The following ABTB3 variants were observed in gnomAD, a reference collection of about 807,000 sequenced individuals.
The protein encoded by ABTB3 is ankyrin repeat- and BTB/POZ domain-containing protein 3.
the ABTB3 span, among the ~76,000 whole-genome samples, chr12:107,381,089 A>ACC: frequency 6.6e-6 from 1 of 151,604 alleles, no homozygotes; most frequent in Non-Finnish European, 1.5e-5. Context: ...TACACTACCC[A>ACC]CCCCCCATCA....
chr12:107,643,195 C>T, the ABTB3 span, among the ~76,000 whole-genome samples: 1 of 152,028 alleles, frequency 6.6e-6, no homozygotes, highest in South Asian at 2.1e-4. Flanking sequence ...CACTTAAGCC[C>T]AGGAGTTCTA....
At chr12:107,645,649 G>A in the ABTB3 span, among the ~76,000 whole-genome samples, 2 of 152,192 alleles carry the variant, frequency 1.3e-5, no homozygotes, top group Admixed American at 6.5e-5. Context: ...TCATGAAGGG[G>A]GAGCTTACAC....
chr12:107,397,510 T>C, the ABTB3 span, among the ~76,000 whole-genome samples: 3 of 152,106 alleles, frequency 2.0e-5, no homozygotes, highest in Non-Finnish European at 4.4e-5. Flanking sequence ...CCTGATAGAT[T>C]TTTGGACTGA....
chr12:107,639,501 C>G, the ABTB3 span, among the ~76,000 whole-genome samples: 1 of 151,976 alleles, frequency 6.6e-6, no homozygotes, highest in Non-Finnish European at 1.5e-5. Context: ...AGGGTAATAT[C>G]AAAGGGAATA....
the ABTB3 span, among the ~76,000 whole-genome samples, chr12:107,412,177 G>A: frequency 2.6e-4 from 40 of 152,124 alleles, no homozygotes; most frequent in African/African-American, 9.2e-4. Context: ...AATGAGTACC[G>A]GAGACTGTGC....
At chr12:107,518,785 G>T in the ABTB3 span, among the ~76,000 whole-genome samples, 2 of 152,144 alleles carry the variant, frequency 1.3e-5, no homozygotes, top group East Asian at 3.9e-4. Context: ...GTCGAGCAGG[G>T]TTGGAAACAC....
chr12:107,649,209 G>C, the ABTB3 span: 1 of 1,612,178 alleles, frequency 6.2e-7, no homozygotes, highest in Non-Finnish European at 8.5e-7. Flanking sequence ...CTTCCAGCTG[G>C]TTATGCAGTA....
At chr12:107,561,504 A>G in the ABTB3 span, among the ~76,000 whole-genome samples, 2 of 152,204 alleles carry the variant, frequency 1.3e-5, no homozygotes, top group African/African-American at 4.8e-5. Context: ...AGTATAATTG[A>G]GGAGTATAAT....
At chr12:107,459,402 G>A in the ABTB3 span, among the ~76,000 whole-genome samples, 1 of 152,204 alleles carries the variant, frequency 6.6e-6, no homozygotes, top group Non-Finnish European at 1.5e-5. Flanking sequence ...CCAACAGTGA[G>A]CAAAACAGAC....
At chr12:107,383,970 G>A in the ABTB3 span, among the ~76,000 whole-genome samples, 7 of 152,232 alleles carry the variant, frequency 4.6e-5, no homozygotes, top group South Asian at 2.1e-4. Context: ...GGCTCCAAGC[G>A]CCCAGGTGTG....
At chr12:107,525,542 T>A in the ABTB3 span, among the ~76,000 whole-genome samples, 1 of 152,134 alleles carries the variant, frequency 6.6e-6, no homozygotes, top group Non-Finnish European at 1.5e-5. Flanking sequence ...AGCCTAGGTG[T>A]GCAGTAGGCT....
At chr12:107,344,441 A>G in the ABTB3 span, among the ~76,000 whole-genome samples, 6 of 152,242 alleles carry the variant, frequency 3.9e-5, no homozygotes, top group African/African-American at 1.4e-4. Context: ...ATTGTGTTTC[A>G]GGCAGAGTAA....
chr12:107,367,617 G>A, the ABTB3 span, among the ~76,000 whole-genome samples: 7 of 152,010 alleles, frequency 4.6e-5, no homozygotes, highest in East Asian at 1.9e-4. Context: ...AGCGATTCTC[G>A]TGCCTCAGCC....
chr12:107,605,359 G>C, the ABTB3 span, among the ~76,000 whole-genome samples: 48 of 152,228 alleles, frequency 3.2e-4, no homozygotes, highest in African/African-American at 1.2e-3. Flanking sequence ...TGTGAAAAAT[G>C]CTAACGAGGA....
chr12:107,324,561 A>C, the ABTB3 span, among the ~76,000 whole-genome samples: 151,552 of 152,312 alleles, frequency 1, 75,400 homozygotes, highest in Middle Eastern at 1. Context: ...TTTAGTGAAG[A>C]GGCACCAGGA....
the ABTB3 span, among the ~76,000 whole-genome samples, chr12:107,372,230 A>G: frequency 6.6e-6 from 1 of 152,204 alleles, no homozygotes; most frequent in Non-Finnish European, 1.5e-5. Context: ...CTAAGAGGAC[A>G]GTGTTGAAAT....
chr12:107,439,721 C>T, the ABTB3 span, among the ~76,000 whole-genome samples: 1 of 152,170 alleles, frequency 6.6e-6, no homozygotes, highest in Admixed American at 6.5e-5. Context: ...ATGTATGTAA[C>T]ATATACATCT....
the ABTB3 span, among the ~76,000 whole-genome samples, chr12:107,426,415 G>T: frequency 6.6e-6 from 1 of 152,156 alleles, no homozygotes; most frequent in African/African-American, 2.4e-5. Context: ...TGCATGGATG[G>T]TTCTAGCCCG....
chr12:107,610,299 G>C, the ABTB3 span: 1 of 1,614,042 alleles, frequency 6.2e-7, no homozygotes, highest in South Asian at 1.1e-5. Flanking sequence ...AACAGACCTG[G>C]TGAAGCAGGC....
Sources: gnomAD v4.1 joint callset for allele counts (sites outside exome capture counted in the v4.1 genomes callset) on GRCh38, gnomAD v4.1.1 for gene constraint, MANE v1.5 for transcripts, NCBI Gene and HGNC (gene_info 2026-07-23, HGNC 2026-07-21) for gene names.